Variants in GRIP1 observed in about 807,000 individuals in gnomAD.
The protein encoded by GRIP1 is glutamate receptor interacting protein 1, also known as glutamate receptor-interacting protein 1.
In GRIP1, 45 loss-of-function variants were observed where a neutral mutation model predicts 129.9. That is an observed-to-expected ratio of 0.35 (90% CI 0.27 to 0.44). The LOEUF (loss-of-function observed/expected upper bound fraction) is 0.44. GRIP1 is among the 20% of genes least tolerant of loss of function. The probability of loss-of-function intolerance (pLI) is 1.00; values close to 1 mark genes in which losing one functional copy is unlikely to be tolerated. For missense variants in GRIP1, 1,196 were observed against 1,396.8 expected, an observed-to-expected ratio of 0.86 and a Z score of 2.29; for synonymous variants, 530 against 520.8, an observed-to-expected ratio of 1.02 and a Z score of -0.24.
At chr12:66,794,715 G>C (rs1210355717) in intron 1 of GRIP1, among the ~76,000 whole-genome samples, 3 of 152,086 alleles carry the variant, frequency 2.0e-5, no homozygotes, top group African/African-American at 7.2e-5. Context: ...TCAGAGGGCT[G>C]GATTGGAAGA....
At chr12:66,850,882 G>A (rs776485932) in intron 1 of GRIP1, among the ~76,000 whole-genome samples, 12 of 150,288 alleles carry the variant, frequency 8.0e-5, no homozygotes, top group Non-Finnish European at 3.0e-5. Flanking sequence ...CCTCTTTTGG[G>A]CTTCTTGGCT....
At chr12:66,675,372 C>T in intron 1 of GRIP1, among the ~76,000 whole-genome samples, 1 of 151,964 alleles carries the variant, frequency 6.6e-6, no homozygotes, top group Non-Finnish European at 1.5e-5. Flanking sequence ...AATGGCAGCA[C>T]CTGAGCAAGC....
At chr12:66,798,721 G>A (rs1316860727) in intron 1 of GRIP1, among the ~76,000 whole-genome samples, 1 of 152,102 alleles carries the variant, frequency 6.6e-6, no homozygotes, top group Admixed American at 6.5e-5. Context: ...GCAAACCACA[G>A]AGCAAATGAC....
At chr12:66,998,420 A>AT (rs1566111834) in intron 1 of GRIP1, among the ~76,000 whole-genome samples, 1 of 126,374 alleles carries the variant, frequency 7.9e-6, no homozygotes, top group Non-Finnish European at 1.9e-5. Context: ...TACTTTTCTG[A>AT]TAAAAAAAAA....
chr12:66,760,444 A>C (rs1467083271), intron 1 of GRIP1, among the ~76,000 whole-genome samples: 1 of 152,198 alleles, frequency 6.6e-6, no homozygotes. Context: ...GAGGCCTCAG[A>C]ATCATGGTGG....
chr12:66,823,004 T>A (rs2039347220), intron 1 of GRIP1, among the ~76,000 whole-genome samples: 2 of 152,084 alleles, frequency 1.3e-5, no homozygotes, highest in South Asian at 4.1e-4. Context: ...TAAAAATAGA[T>A]TAACTAAAAT....
chr12:66,566,418 T>C (rs2062759164), intron 2 of GRIP1, among the ~76,000 whole-genome samples: 1 of 152,128 alleles, frequency 6.6e-6, no homozygotes, highest in African/African-American at 2.4e-5. Context: ...TGATGGATAA[T>C]GTTTATTGAT....
chr12:66,612,066 TA>T (rs1358938758), intron 1 of GRIP1, among the ~76,000 whole-genome samples: 5 of 152,338 alleles, frequency 3.3e-5, no homozygotes, highest in Admixed American at 2.0e-4. Flanking sequence ...AATACTAATA[TA>T]TTTTTTTCAA....
chr12:66,877,350 A>G (rs2040400972), intron 1 of GRIP1, among the ~76,000 whole-genome samples: 1 of 152,106 alleles, frequency 6.6e-6, no homozygotes. Context: ...TTGAAAATCC[A>G]TGTATGTTGA....
intron 2 of GRIP1, among the ~76,000 whole-genome samples, chr12:66,593,787 G>A (rs751811597): frequency 3.9e-5 from 6 of 152,146 alleles, no homozygotes; most frequent in South Asian, 2.1e-4. Context: ...TTTCAGCCTC[G>A]GCTGGGCACG....
chr12:66,483,860 A>G (rs986791122), intron 7 of GRIP1, among the ~76,000 whole-genome samples: 10 of 123,104 alleles, frequency 8.1e-5, no homozygotes, highest in African/African-American at 3.0e-4. Flanking sequence ...CATTATCCTA[A>G]CTTCTTTTTT....
intron 1 of GRIP1, among the ~76,000 whole-genome samples, chr12:66,660,067 A>G (rs765302245): frequency 1.3e-5 from 2 of 152,176 alleles, no homozygotes; most frequent in African/African-American, 2.4e-5. Flanking sequence ...ACTGTTTTCT[A>G]TGATTCTCAT....
chr12:66,414,626 C>T (rs1379895167), intron 15 of GRIP1, among the ~76,000 whole-genome samples: 1 of 152,062 alleles, frequency 6.6e-6, no homozygotes, highest in East Asian at 1.9e-4. Context: ...AAAAAAGAGC[C>T]TGTATAGCCA....
At chr12:66,352,914 A>G (rs1168315) in intron 24 of GRIP1, among the ~76,000 whole-genome samples, 76,457 of 151,742 alleles carry the variant, frequency 0.5, 19,819 homozygotes, top group East Asian at 0.58. Flanking sequence ...GCAGTGAACC[A>G]AGATCACGCC....
chr12:67,006,842 G>A (rs1447450821), intron 1 of GRIP1, among the ~76,000 whole-genome samples: 1 of 152,146 alleles, frequency 6.6e-6, no homozygotes, highest in Non-Finnish European at 1.5e-5. Flanking sequence ...CTGTTGCCTT[G>A]GTTTCTACAG....
chr12:66,591,111 G>T (rs1308128091), intron 2 of GRIP1, among the ~76,000 whole-genome samples: 1 of 151,800 alleles, frequency 6.6e-6, no homozygotes, highest in African/African-American at 2.4e-5. Flanking sequence ...TTTTAGCTAG[G>T]GACTGAGAAA....
At chr12:66,349,276 TA>T in intron 24 of GRIP1, 30 bp from the exon 25 acceptor site, 1 of 1,537,856 alleles carries the variant, frequency 6.5e-7, no homozygotes, top group East Asian at 2.2e-5. Context: ...CATTTTGAAT[TA>T]TCGTTGTAAC....
intron 1 of GRIP1, among the ~76,000 whole-genome samples, chr12:66,635,816 C>T (rs190257377): frequency 2.0e-5 from 3 of 152,258 alleles, no homozygotes; most frequent in Admixed American, 1.3e-4. Flanking sequence ...AAAACACAAT[C>T]ACTAATGGCC....
intron 1 of GRIP1, among the ~76,000 whole-genome samples, chr12:66,724,422 A>T (rs1425426619): frequency 6.6e-6 from 1 of 152,224 alleles, no homozygotes; most frequent in African/African-American, 2.4e-5. Context: ...ACTGAGGCAC[A>T]GGAAATTTCA....
Sources: gnomAD v4.1 joint callset for allele counts (sites outside exome capture counted in the v4.1 genomes callset) on GRCh38, gnomAD v4.1.1 for gene constraint, MANE v1.5 for transcripts, NCBI Gene and HGNC (gene_info 2026-07-23, HGNC 2026-07-21) for gene names.